Variants in KLF7 observed in about 807,000 individuals in gnomAD.
KLF7 encodes Krueppel-like factor 7.
KLF7 carries 2 observed loss-of-function variants against 27.3 expected under a neutral mutation model. That is an observed-to-expected ratio of 0.07 (90% CI 0.03 to 0.23). The LOEUF (loss-of-function observed/expected upper bound fraction) is 0.23. Among genes scored for constraint, KLF7 ranks in the 10% least tolerant of loss-of-function variants. KLF7 has a pLI of 1.00. For synonymous variants in KLF7, 165 were observed against 162.4 expected, an observed-to-expected ratio of 1.02 and a Z score of -0.12; for missense variants, 221 against 394.1, an observed-to-expected ratio of 0.56 and a Z score of 3.72.
chr2:207,145,911 T>C (rs935351857), intron 1 of KLF7, among the ~76,000 whole-genome samples: 3 of 152,124 alleles, frequency 2.0e-5, no homozygotes, highest in African/African-American at 7.2e-5. Flanking sequence ...GTGAATGAAC[T>C]AAAGAAAGAG....
chr2:207,150,350 A>T (rs928669685), intron 1 of KLF7, among the ~76,000 whole-genome samples: 8 of 152,210 alleles, frequency 5.3e-5, no homozygotes, highest in African/African-American at 1.7e-4. Flanking sequence ...CCAGTAGGAA[A>T]TTTTTCAAAG....
chr2:207,092,729 T>C (rs2076540130), intron 2 of KLF7, among the ~76,000 whole-genome samples: 1 of 152,170 alleles, frequency 6.6e-6, no homozygotes, highest in Non-Finnish European at 1.5e-5. Context: ...AATTGACTGA[T>C]CAAAAAACAC....
chr2:207,122,945 A>G (rs543894399), intron 2 of KLF7, among the ~76,000 whole-genome samples: 29 of 150,076 alleles, frequency 1.9e-4, no homozygotes, highest in African/African-American at 6.6e-4. Context: ...CTAAGCTCCA[A>G]TCTCAAAGCA....
intron 1 of KLF7, among the ~76,000 whole-genome samples, chr2:207,161,688 G>A (rs1367253874): frequency 1.3e-5 from 2 of 152,196 alleles, no homozygotes; most frequent in Non-Finnish European, 2.9e-5. Context: ...TTCCCCTAGA[G>A]ATTCCTTATA....
upstream of KLF7, among the ~76,000 whole-genome samples, chr2:207,169,705 T>C (rs924883010): frequency 2.0e-5 from 3 of 152,208 alleles, no homozygotes; most frequent in Admixed American, 1.3e-4. Flanking sequence ...CTGTGTAACA[T>C]TTTGGTAATC....
chr2:207,098,165 T>C (rs2076676581), intron 2 of KLF7, among the ~76,000 whole-genome samples: 1 of 152,168 alleles, frequency 6.6e-6, no homozygotes, highest in Non-Finnish European at 1.5e-5. Context: ...TTTTACTTTG[T>C]TTTTGTTCTT....
chr2:207,131,987 T>G (rs965682087), intron 1 of KLF7, among the ~76,000 whole-genome samples: 1 of 152,176 alleles, frequency 6.6e-6, no homozygotes, highest in Non-Finnish European at 1.5e-5. Context: ...AAAGGATGCA[T>G]GAACCAGTGC....
intron 2 of KLF7, among the ~76,000 whole-genome samples, chr2:207,107,601 T>C (rs1574465221): frequency 6.6e-6 from 1 of 152,252 alleles, no homozygotes; most frequent in African/African-American, 2.4e-5. Flanking sequence ...AGCCGCATCA[T>C]TGCCTGGGCC....
intron 2 of KLF7, among the ~76,000 whole-genome samples, chr2:207,110,633 C>T (rs911505644): frequency 6.6e-6 from 1 of 152,156 alleles, no homozygotes; most frequent in African/African-American, 2.4e-5. Context: ...GCATGAGGCT[C>T]AGGAAGAGTC....
chr2:207,112,439 T>C (rs2077063220), intron 2 of KLF7, among the ~76,000 whole-genome samples: 2 of 152,192 alleles, frequency 1.3e-5, no homozygotes, highest in African/African-American at 4.8e-5. Context: ...GAAGGGCTTG[T>C]AGCTCAGCCT....
At chr2:207,086,420 A>G (rs2076390233) in intron 3 of KLF7, among the ~76,000 whole-genome samples, 1 of 152,200 alleles carries the variant, frequency 6.6e-6, no homozygotes, top group African/African-American at 2.4e-5. Context: ...CTCATTTATG[A>G]TGCTGTCGAA....
chr2:207,116,172 A>G (rs2077180319), intron 2 of KLF7, among the ~76,000 whole-genome samples: 1 of 152,206 alleles, frequency 6.6e-6, no homozygotes, highest in South Asian at 2.1e-4. Context: ...CATCTGACAC[A>G]TTCTGCCCCT....
intron 1 of KLF7, among the ~76,000 whole-genome samples, chr2:207,135,332 T>A (rs895955228): frequency 6.6e-6 from 1 of 151,734 alleles, no homozygotes; most frequent in Non-Finnish European, 1.5e-5. Context: ...AAAAAAGGGT[T>A]TGGAGAACCT....
chr2:207,147,774 G>A (rs543147914), intron 1 of KLF7, among the ~76,000 whole-genome samples: 161 of 152,284 alleles, frequency 1.1e-3, no homozygotes, highest in Admixed American at 2.2e-3. Flanking sequence ...AGAAGCTGGC[G>A]AAGCTCCTGT....
At position 207,081,093 on chromosome 2, in the gene KLF7, T is replaced by G; in HGVS notation, c.*120A>C. The G allele has an allele frequency of 5.0e-6, 4 of 797,770 alleles. No individual in the cohort carries two copies. The highest frequency in any genetic ancestry group is 2.4e-5 in the East Asian group (1 of 41,358). The allele number at this position is 797,770 out of a possible 1,614,324, so 49.4% of individuals were successfully genotyped here. On this transcript the variant is annotated 3_prime_UTR_variant, in exon 4 of 4. Transcript: ENST00000309446. The stretch of plus-strand genomic sequence containing the variant: ...TGTGTGTGTGTGTGTGTACAGAGGT[T>G]TATAAGTGAGAACTTTCTTCTGCGA...
At chr2:207,139,163 C>G (rs1363169475) in intron 1 of KLF7, among the ~76,000 whole-genome samples, 2 of 152,178 alleles carry the variant, frequency 1.3e-5, no homozygotes, top group East Asian at 3.9e-4. Flanking sequence ...CTGACAGAAA[C>G]AGGAGCAAAG....
At chr2:207,106,385 C>T (rs974364277) in intron 2 of KLF7, among the ~76,000 whole-genome samples, 1 of 152,186 alleles carries the variant, frequency 6.6e-6, no homozygotes, top group Non-Finnish European at 1.5e-5. Flanking sequence ...AATGACTCTG[C>T]TTATTGCAGC....
chr2:207,130,292 A>T (rs1384523537), intron 1 of KLF7, among the ~76,000 whole-genome samples: 1 of 152,254 alleles, frequency 6.6e-6, no homozygotes. Context: ...AAAAAGATGG[A>T]GTCAAGAAAA....
At chr2:207,161,712 T>A (rs945691812) in intron 1 of KLF7, among the ~76,000 whole-genome samples, 1 of 152,178 alleles carries the variant, frequency 6.6e-6, no homozygotes, top group African/African-American at 2.4e-5. Flanking sequence ...AAGGCCCTCA[T>A]AAAAAGTGTT....
Sources: allele counts gnomAD v4.1 joint callset (sites outside exome capture counted in the v4.1 genomes callset), GRCh38; gene constraint gnomAD v4.1.1; transcripts MANE v1.5; gene names NCBI Gene and HGNC (gene_info 2026-07-23, HGNC 2026-07-21).